Variants in HSPD1 observed in about 807,000 individuals in gnomAD.
HSPD1 encodes 60 kDa heat shock protein, mitochondrial.
A neutral mutation model predicts 53.0 loss-of-function variants in HSPD1; 3 were observed. The observed-to-expected ratio is 0.06, with a 90% CI of 0.03 to 0.15. The LOEUF is 0.15. Among genes scored for constraint, HSPD1 ranks in the 10% least tolerant of loss-of-function variants. The pLI is 1.00. For synonymous variants in HSPD1, 200 were observed against 228.0 expected (o/e 0.88, Z 1.10); for missense variants, 431 against 694.1 (o/e 0.62, Z 4.26).
In HSPD1 at chr2:197,497,213, T is replaced by C. The variant is rs1296890377; in HGVS notation, c.354A>G (p.Val118=). 3 of 1,613,916 alleles carry C rather than the reference T, an allele frequency of 1.9e-6. No individual in the cohort carries two copies. The highest frequency in any genetic ancestry group is 8.5e-7 in the Non-Finnish European group (1 of 1,179,748). The change falls in exon 3 of 12, where the codon GTA becomes GTG. Residue 118 remains valine (V), a synonymous_variant. Transcript: ENST00000388968. ...CTTCCTTGGCTATAGAGCGTGCCAG[T>C]ACAGTAGCAGTGGTAGTGCCATCCC... ...EAGDGTTTAT[V]LARSIAKEGF...
In HSPD1 at chr2:197,486,861, A is replaced by C; in HGVS notation, c.*185T>G. On this transcript the variant is annotated 3_prime_UTR_variant, in exon 12 of 12. Coordinates refer to ENST00000388968, the MANE Select transcript of HSPD1 (RefSeq NM_002156.5). The stretch of plus-strand genomic sequence containing the variant: ...CAAAATAAATTATCTGTAGGCATGG[A>C]CAATGACAGCAGTAAACCATTATAT... 1 of 597,696 alleles carries C rather than the reference A, an allele frequency of 1.7e-6. No individual in the cohort carries two copies. Among genetic ancestry groups the C allele is most frequent in the Non-Finnish European group, 3.0e-6 (1 of 335,314 alleles). The allele number at this position is 597,696 out of a possible 1,614,324, so 37.0% of individuals were successfully genotyped here.
At chr2:197,490,857 C>T (rs2086083054) in intron 7 of HSPD1, among the ~76,000 whole-genome samples, 1 of 152,170 alleles carries the variant, frequency 6.6e-6, no homozygotes, top group Non-Finnish European at 1.5e-5. Flanking sequence ...TATATTAATG[C>T]TGAGTTTTGA....
At chr2:197,495,489 ATT>A (rs879711936) in intron 3 of HSPD1, 113 bp from the exon 4 acceptor site, 546 of 532,108 alleles carry the variant, frequency 1.0e-3, no homozygotes, top group East Asian at 1.2e-3. Flanking sequence ...AAAAAAAAAA[ATT>A]TTTTTTTTTT....
Position 197,490,046 on chromosome 2 carries a change from C to CA in HSPD1, c.969+150dup, listed in dbSNP as rs2086072135. ...GCTCATTCTTAGGCCAGACTTGTGG[C>CA]AAATTAACGGGAATTTAATCCAACC... On this transcript the variant is annotated intron_variant, in intron 8 of 11. Transcript: ENST00000388968. The CA allele has an allele frequency of 1.6e-5, 11 of 697,180 alleles. No individual in the cohort carries two copies. In the South Asian group the frequency reaches 1.7e-4, roughly 11 times the overall value. The allele number at this position is 697,180 out of a possible 1,614,324, so 43.2% of individuals were successfully genotyped here.
chr2:197,495,142 C>T (rs2086141869), intron 4 of HSPD1, 152 bp downstream of exon 4: 1 of 656,548 alleles, frequency 1.5e-6, no homozygotes, highest in African/African-American at 1.8e-5. Flanking sequence ...GGTCATAATT[C>T]TTTTCAAAGG....
chr2:197,492,172 G>A (rs1474014449), intron 7 of HSPD1, among the ~76,000 whole-genome samples: 1 of 151,984 alleles, frequency 6.6e-6, no homozygotes, highest in Non-Finnish European at 1.5e-5. Flanking sequence ...AAAAATATTC[G>A]ATGGTGAAAT....
rs1286797211 is a variant in HSPD1 at position 197,488,507 on chromosome 2, A to G, written c.1216-16T>C. On this transcript the variant is annotated splice_polypyrimidine_tract_variant and intron_variant, in intron 9 of 11. Coordinates refer to ENST00000388968, the MANE Select transcript of HSPD1 (RefSeq NM_002156.5). Reference sequence around the variant, plus strand: ...TCCCACCAACCTAAAGACGAAAAGAATTCCAGTTAGTATGGCCTCTTCATT... The same window carrying G: ...TCCCACCAACCTAAAGACGAAAAGAGTTCCAGTTAGTATGGCCTCTTCATT... The G allele has an allele frequency of 1.2e-6, 2 of 1,611,054 alleles. No homozygotes were observed. The highest frequency in any genetic ancestry group is 1.7e-6 in the Non-Finnish European group (2 of 1,177,280).
rs780279426 is a variant in HSPD1 at position 197,498,669 on chromosome 2, T to G, written c.174+6A>C. The G allele has an allele frequency of 6.2e-7, 1 of 1,612,006 alleles. No homozygotes were observed. Among genetic ancestry groups the G allele is most frequent in the East Asian group, 2.2e-5 (1 of 44,874 alleles). Reference sequence around the variant, plus strand: ...CGTAATTACAATAAAATAAAAATACTGGTACCTTTGGCCCCATTGTAACGG... The same window carrying G: ...CGTAATTACAATAAAATAAAAATACGGGTACCTTTGGCCCCATTGTAACGG... On this transcript the variant is annotated splice_donor_region_variant and intron_variant, in intron 2 of 11. Transcript: ENST00000388968.
At chr2:197,487,376 G>A (rs575222240) in intron 11 of HSPD1, among the ~76,000 whole-genome samples, 178 bp from the exon 12 acceptor site, 14 of 152,072 alleles carry the variant, frequency 9.2e-5, no homozygotes, top group African/African-American at 3.4e-4. Flanking sequence ...ATGAGACCCC[G>A]TCTCTACTAA....
intron 9 of HSPD1, 62 bp from the exon 10 acceptor site, chr2:197,488,553 C>A (rs1017214864): frequency 1.4e-6 from 2 of 1,457,984 alleles, no homozygotes; most frequent in South Asian, 2.3e-5. Flanking sequence ...ATTGCCAAGT[C>A]ATTTAAAAGC....
In HSPD1 at chr2:197,487,929, C is replaced by T. The variant is rs1469996940; in HGVS notation, c.1498G>A (p.Glu500Lys). ...IVEKIMQSSS[E>K]VGYDAMAGDF... The stretch of plus-strand genomic sequence containing the variant: ...CCAGCCATAGCATCATAACCAACTT[C>T]TGAGGAACTTTGCATAATTTTCTCA... The change falls in exon 11 of 12, where the codon GAA becomes AAA. Residue 500 changes from glutamate (E) to lysine (K), a missense_variant. Glu to Lys is a moderately conservative substitution (Grantham distance 56, BLOSUM62 1). Around this residue, in one of 2 missense-constraint regions of HSPD1, gnomAD observed 386 missense variants for 657.6 expected, o/e 0.59. Coordinates refer to ENST00000388968, the MANE Select transcript of HSPD1 (RefSeq NM_002156.5). 6.2e-7 allele frequency: 1 copy of T among 1,613,704 alleles called. No individual in the cohort carries two copies. The highest frequency in any genetic ancestry group is 2.2e-5 in the East Asian group (1 of 44,862).
chr2:197,496,522 C>G (rs527260053), intron 3 of HSPD1, among the ~76,000 whole-genome samples: 1 of 152,276 alleles, frequency 6.6e-6, no homozygotes, highest in African/African-American at 2.4e-5. Context: ...CATAGCAATT[C>G]TGCTGATAGG....
At position 197,486,965 on chromosome 2, in the gene HSPD1, T is replaced by C; in HGVS notation, c.*81A>G. ...TTTTCTTCATTTTCTCCAACTGACT[T>C]CTCTGAAGTTATTGGTGAGGAACAC... On this transcript the variant is annotated 3_prime_UTR_variant, in exon 12 of 12. Transcript: ENST00000388968. 2 of 1,071,128 alleles carry C rather than the reference T, an allele frequency of 1.9e-6. No individual in the cohort carries two copies. Among genetic ancestry groups the C allele is most frequent in the Non-Finnish European group, 1.5e-6 (1 of 687,896 alleles). The allele number at this position is 1,071,128 out of a possible 1,614,324, so 66.4% of individuals were successfully genotyped here. A position where few individuals can be genotyped will look rare whatever the true frequency, so the allele number is the denominator to read the frequency against.
intron 3 of HSPD1, among the ~76,000 whole-genome samples, chr2:197,496,351 T>A (rs2086156824): frequency 6.6e-6 from 1 of 152,214 alleles, no homozygotes; most frequent in Non-Finnish European, 1.5e-5. Flanking sequence ...TAGTGAAGTA[T>A]ATTCACTTGG....
chr2:197,498,580 G>A lies in HSPD1; in HGVS notation c.174+95C>T, dbSNP rs1301741624. On this transcript the variant is annotated intron_variant, in intron 2 of 11. Transcript: ENST00000388968. ...TGTAAACTGAGTTCTCTCAAAAATG[G>A]AGATGAAAGTACTGTTGAATAGTTC... 2.7e-6 allele frequency: 3 copies of A among 1,091,920 alleles called. No homozygotes were observed. The African/African-American group carries it at 4.7e-5, about 17-fold the overall frequency. 67.6% of individuals were successfully genotyped at this position (1,091,920 alleles called of 1,614,324 possible).
chr2:197,491,984 C>T (rs1344845220), intron 7 of HSPD1, among the ~76,000 whole-genome samples: 5 of 152,154 alleles, frequency 3.3e-5, no homozygotes, highest in South Asian at 2.1e-4. Flanking sequence ...ATTGAGACCT[C>T]GTCTCTACAA....
chr2:197,495,264 T>TA (rs764144438), intron 4 of HSPD1, 30 bp downstream of exon 4: 2 of 1,398,364 alleles, frequency 1.4e-6, no homozygotes, highest in East Asian at 2.3e-5. Context: ...AAATTTTTTT[T>TA]AAAAAACGTG....
chr2:197,497,540 G>A (rs1198013516), intron 2 of HSPD1, 148 bp from the exon 3 acceptor site: 2 of 755,878 alleles, frequency 2.6e-6, no homozygotes, highest in African/African-American at 1.8e-5. Context: ...GAACCTCAAG[G>A]GCAAGTTTAT....
intron 7 of HSPD1, among the ~76,000 whole-genome samples, chr2:197,492,082 A>G (rs986507749): frequency 6.6e-6 from 1 of 152,190 alleles, no homozygotes; most frequent in Non-Finnish European, 1.5e-5. Flanking sequence ...GCTTGACCCC[A>G]AGAGTTCAAG....
Sources: gnomAD v4.1 joint callset for allele counts (sites outside exome capture counted in the v4.1 genomes callset) on GRCh38, gnomAD v4.1.1 for gene constraint, gnomAD v4.1.1 regional missense constraint, MANE v1.5 for transcripts, NCBI Gene and HGNC (gene_info 2026-07-23, HGNC 2026-07-21) for gene names.